TFEB: variants seen among roughly 807,000 people sequenced by gnomAD.
TFEB encodes T-cell transcription factor EB.
Under a neutral mutation model 48.0 loss-of-function variants are expected in TFEB, and 12 were observed. The observed-to-expected ratio is 0.25, with a 90% CI of 0.16 to 0.40. TFEB has a LOEUF of 0.40. Among genes scored for constraint, TFEB ranks in the 10% least tolerant of loss-of-function variants. TFEB has a pLI of 1.00. For synonymous variants in TFEB, 244 were observed against 261.4 expected, an observed-to-expected ratio of 0.93 and a Z score of 0.64; for missense variants, 509 against 640.3, an observed-to-expected ratio of 0.79 and a Z score of 2.21.
At position 41,720,001 on chromosome 6, in the gene TFEB, A is replaced by G. The variant is rs144003724; in HGVS notation, c.-23+15349T>C. On this transcript the variant is annotated intron_variant, in intron 1 of 8. Coordinates refer to ENST00000373033, the MANE Select transcript of TFEB (RefSeq NM_001271944.2). This position sits in a 1 kb window ranked among gnomAD's most constrained non-coding sequence, Gnocchi z 4.1. ...TTGCAAATATATAAAAGTGCTTAGCACAGCGCTGGCACACAGGAGTGCCAA... is the reference window on the plus strand; with the variant it reads ...TTGCAAATATATAAAAGTGCTTAGCGCAGCGCTGGCACACAGGAGTGCCAA... Among the ~76,000 whole-genome samples, 71 of 152,338 alleles carry G rather than the reference A, an allele frequency of 4.7e-4. No homozygotes were observed. The highest frequency in any genetic ancestry group is 1.7e-3 in the African/African-American group (71 of 41,576).
chr6:41,685,126 G>C (rs765754665), intron 8 of TFEB, 48 bp from the exon 9 acceptor site: 2 of 1,386,236 alleles, frequency 1.4e-6, no homozygotes, highest in East Asian at 5.7e-5. Flanking sequence ...ATGGGCACCA[G>C]CCACCAGGAC....
At position 41,687,732 on chromosome 6, in the gene TFEB, G is replaced by A. The variant is rs779399133; in HGVS notation, c.727+21C>T. 2.5e-5 allele frequency: 41 copies of A among 1,614,028 alleles called. No homozygotes were observed. The South Asian group carries it at 3.7e-4, about 15-fold the overall frequency. On this transcript the variant is annotated intron_variant, in intron 6 of 8. Coordinates refer to ENST00000373033, the MANE Select transcript of TFEB (RefSeq NM_001271944.2). Reference sequence around the variant, plus strand: ...AGAACAAGGAAGAGGGAGGCAGGGAGAGGGGCGGGGCAGGACTCACTTAAG... The same window carrying A: ...AGAACAAGGAAGAGGGAGGCAGGGAAAGGGGCGGGGCAGGACTCACTTAAG...
rs371425678 is a variant in TFEB at position 41,688,033 on chromosome 6, G to C, written c.550-5C>G. 2.0e-4 allele frequency: 322 copies of C among 1,607,338 alleles called. 2 individuals carry two copies. The highest frequency in any genetic ancestry group is 1.2e-4 in the Non-Finnish European group (142 of 1,175,634). Reference sequence around the variant, plus strand: ...GTGGCTGCTGGACAGGGGTAGCTGTGGGGTAGGGGGTGAGGGAGACCCATG... The same window carrying C: ...GTGGCTGCTGGACAGGGGTAGCTGTCGGGTAGGGGGTGAGGGAGACCCATG... On this transcript the variant is annotated splice_polypyrimidine_tract_variant and splice_region_variant and intron_variant, in intron 4 of 8. Transcript: ENST00000373033.
At chr6:41,707,077 C>T (rs1410265081) in intron 1 of TFEB, among the ~76,000 whole-genome samples, 1 of 152,160 alleles carries the variant, frequency 6.6e-6, no homozygotes, top group African/African-American at 2.4e-5. Flanking sequence ...CTCAGAGCTG[C>T]TCTGCTTTCC....
rs141401533 is a variant in TFEB, at chr6:41,733,078, A to G, written c.-23+2272T>C. Reference sequence around the variant, plus strand: ...ATTAACTCTGGCTAATGATGCAATTACAGTCATAAACAGAGCCCCAGGAGG... The same window carrying G: ...ATTAACTCTGGCTAATGATGCAATTGCAGTCATAAACAGAGCCCCAGGAGG... On this transcript the variant is annotated intron_variant, in intron 1 of 8. Coordinates refer to ENST00000373033, the MANE Select transcript of TFEB (RefSeq NM_001271944.2). 3.1e-6 allele frequency: 3 copies of G among 983,596 alleles called. No individual in the cohort carries two copies. In the African/African-American group the frequency reaches 5.2e-5, roughly 17 times the overall value. The allele number at this position is 983,596 out of a possible 1,614,324, so 60.9% of individuals were successfully genotyped here.
chr6:41,729,625 G>A (rs1162225284), intron 1 of TFEB, among the ~76,000 whole-genome samples: 3 of 152,170 alleles, frequency 2.0e-5, no homozygotes, highest in East Asian at 1.9e-4. Context: ...TTGTTTGTCC[G>A]CCTCATCCTG....
rs1394029477 is a variant in TFEB, at chr6:41,690,857, C to G, written c.274G>C (p.Val92Leu). 6.2e-7 allele frequency: 1 copy of G among 1,610,248 alleles called. No individual in the cohort carries two copies. Among genetic ancestry groups the G allele is most frequent in the Admixed American group, 1.7e-5 (1 of 59,858 alleles). ...TAGGTCTCGGACAGGTACTCCCGCACCTTCTGATGCTGCGACTGCTGCAGA... is the reference window on the plus strand; with the variant it reads ...TAGGTCTCGGACAGGTACTCCCGCAGCTTCTGATGCTGCGACTGCTGCAGA... ...YHLQQSQHQK[V>L]REYLSETYGN... Residue 92 changes from valine to leucine, a missense_variant, in exon 3 of 9, where the codon GTG becomes CTG. Val to Leu is a conservative substitution (Grantham distance 32). Coordinates refer to ENST00000373033, the MANE Select transcript of TFEB (RefSeq NM_001271944.2).
At chr6:41,714,178 T>C (rs1561866748) in intron 1 of TFEB, among the ~76,000 whole-genome samples, 1 of 149,544 alleles carries the variant, frequency 6.7e-6, no homozygotes, top group East Asian at 1.9e-4. Flanking sequence ...TGTGTGCGTG[T>C]GTGTGCATGT....
intron 1 of TFEB, 44 bp downstream of exon 1, chr6:41,735,306 G>C: frequency 1.0e-6 from 1 of 984,570 alleles, no homozygotes; most frequent in Non-Finnish European, 1.2e-6. Flanking sequence ...TGGGTCGGGG[G>C]TCCCGGGCCC....
At chr6:41,702,140 G>GC (rs1158766170) in intron 1 of TFEB, among the ~76,000 whole-genome samples, 3 of 151,712 alleles carry the variant, frequency 2.0e-5, no homozygotes, top group Non-Finnish European at 4.4e-5. Flanking sequence ...CCAGTCCTGC[G>GC]CCCCCCTCAT....
chr6:41,717,805 AG>A (rs894806307), intron 1 of TFEB, among the ~76,000 whole-genome samples: 5 of 152,248 alleles, frequency 3.3e-5, no homozygotes, highest in African/African-American at 1.2e-4. Context: ...CCATGGAGTC[AG>A]GAGCAAGGAG....
intron 1 of TFEB, among the ~76,000 whole-genome samples, chr6:41,709,035 T>C (rs539202788): frequency 1.3e-5 from 2 of 152,232 alleles, no homozygotes; most frequent in Non-Finnish European, 2.9e-5. Context: ...AACATTAGGT[T>C]GCTGGTAGCA....
rs1397486669 is a variant in TFEB, at chr6:41,684,918, G to A, written c.1112C>T (p.Pro371Leu). The stretch of plus-strand genomic sequence containing the variant: ...GGCTTGCGGGGGCAGAGCTGGCAGT[G>A]GCTCAGGGTCAGGGACCTCAGCCCC... Reference protein sequence around the residue: ...MLGAEVPDPEPLPALPPQAPL... With the variant: ...MLGAEVPDPELLPALPPQAPL... Residue 371 changes from proline to leucine, a missense_variant, in exon 9 of 9, where the codon CCA (proline) becomes CTA (leucine). By Grantham distance (98) the Pro-to-Leu change is moderately conservative. Coordinates refer to ENST00000373033, the MANE Select transcript of TFEB (RefSeq NM_001271944.2). 11 of 1,580,592 alleles carry A rather than the reference G, an allele frequency of 7.0e-6. No homozygotes were observed. The South Asian group carries it at 1.0e-4, about 15-fold the overall frequency.
At chr6:41,733,690 A>T in intron 1 of TFEB, 4 of 984,310 alleles carry the variant, frequency 4.1e-6, no homozygotes, top group Non-Finnish European at 4.8e-6. Flanking sequence ...AGGGACCTCA[A>T]GGCAGCTGAC....
At chr6:41,708,774 T>C (rs1054634337) in intron 1 of TFEB, among the ~76,000 whole-genome samples, 2 of 152,058 alleles carry the variant, frequency 1.3e-5, no homozygotes, top group Non-Finnish European at 2.9e-5. Flanking sequence ...AATAAAAGGG[T>C]CAGAGTAATG....
At position 41,734,198 on chromosome 6, in the gene TFEB, G is replaced by C. The variant is rs371591804; in HGVS notation, c.-23+1152C>G. 27 of 251,610 alleles carry C rather than the reference G, an allele frequency of 1.1e-4. No homozygotes were observed. The highest frequency in any genetic ancestry group is 4.5e-4 in the Admixed American group (7 of 15,424). 15.6% of individuals were successfully genotyped at this position (251,610 alleles called of 1,614,324 possible). A position where few individuals can be genotyped will look rare whatever the true frequency, so the allele number is the denominator to read the frequency against. ...CGAGAGAACGACGGCTGGAGCTGAG[G>C]GGGGTTCGGGGGAAGGCGCAGCGGC... On this transcript the variant is annotated intron_variant, in intron 1 of 8. Transcript: ENST00000373033. The surrounding 1 kb of genome is among the most constrained non-coding windows in gnomAD (Gnocchi z 4.0).
intron 7 of TFEB, chr6:41,686,511 T>TTC (rs2127445687): frequency 4.4e-6 from 1 of 224,834 alleles, no homozygotes; most frequent in Admixed American, 5.7e-5. Flanking sequence ...TACCTTTCTT[T>TTC]TTTTTTTTTT....
intron 1 of TFEB, among the ~76,000 whole-genome samples, chr6:41,701,267 A>AC (rs1769907111): frequency 1.3e-5 from 2 of 151,640 alleles, no homozygotes; most frequent in Non-Finnish European, 1.5e-5. Flanking sequence ...GTGGGACTGA[A>AC]CCCCCACCCC....
Position 41,707,120 on chromosome 6 carries a change from T to C in TFEB, c.-22-15885A>G, listed in dbSNP as rs1770265369. 2.6e-5 allele frequency among the ~76,000 whole-genome samples: 4 copies of C among 152,198 alleles called. No individual in the cohort carries two copies. In the South Asian group the frequency reaches 8.3e-4, roughly 32 times the overall value. On this transcript the variant is annotated intron_variant, in intron 1 of 8. Transcript: ENST00000373033. The stretch of plus-strand genomic sequence containing the variant: ...AGTTGAGACTCAGGCAGCAGCTGCC[T>C]TACACCTTCTCCCTGGACCCAAGAT...
Sources: gnomAD v4.1 joint callset for allele counts (sites outside exome capture counted in the v4.1 genomes callset) on GRCh38, gnomAD v4.1.1 for gene constraint, Gnocchi (gnomAD v3.1) non-coding constraint, MANE v1.5 for transcripts, NCBI Gene and HGNC (gene_info 2026-07-23, HGNC 2026-07-21) for gene names.